ATP8A1: variants seen among roughly 807,000 people sequenced by gnomAD.
ATP8A1 encodes the protein phospholipid-transporting ATPase IA.
A neutral mutation model predicts 177.7 loss-of-function variants in ATP8A1; 90 were observed. The observed-to-expected ratio is 0.51, with a 90% CI of 0.43 to 0.60. ATP8A1 has a LOEUF of 0.60. Ranked by LOEUF, ATP8A1 falls within the 20% of genes least tolerant of loss-of-function variation. The pLI, the probability that ATP8A1 is intolerant of heterozygous loss-of-function variation, is 0.00. For missense variants in ATP8A1, 1,072 were observed against 1,392.8 expected (o/e 0.77, Z 3.67); for synonymous variants, 493 against 485.9 (o/e 1.01, Z -0.19).
At chr4:42,602,039 G>T (rs1192460361) in intron 5 of ATP8A1, among the ~76,000 whole-genome samples, 1 of 151,482 alleles carries the variant, frequency 6.6e-6, no homozygotes, top group Non-Finnish European at 1.5e-5. Flanking sequence ...TTGGTATATG[G>T]GACATTCAGA....
intron 15 of ATP8A1, among the ~76,000 whole-genome samples, chr4:42,562,869 C>T (rs998554274): frequency 7.9e-5 from 12 of 152,350 alleles, no homozygotes; most frequent in African/African-American, 2.2e-4. Context: ...CTGCCATGAT[C>T]GTGAGGCTTA....
At chr4:42,528,751 A>G (rs539756126) in intron 20 of ATP8A1, among the ~76,000 whole-genome samples, 5 of 152,262 alleles carry the variant, frequency 3.3e-5, no homozygotes, top group Admixed American at 2.0e-4. Flanking sequence ...TCACTTCCAC[A>G]AGATATCACA....
chr4:42,454,211 C>T (rs1004992589), intron 29 of ATP8A1, among the ~76,000 whole-genome samples: 4 of 152,158 alleles, frequency 2.6e-5, no homozygotes, highest in South Asian at 2.1e-4. Context: ...GTGAAGATCA[C>T]GTCTCAGAAG....
chr4:42,628,455 G>A (rs986644267), intron 1 of ATP8A1, among the ~76,000 whole-genome samples: 1 of 152,066 alleles, frequency 6.6e-6, no homozygotes, highest in African/African-American at 2.4e-5. Flanking sequence ...ACGCAGGCCA[G>A]GTCCCAGAGG....
chr4:42,599,945 A>G (rs1199181517), intron 6 of ATP8A1, among the ~76,000 whole-genome samples: 2 of 152,234 alleles, frequency 1.3e-5, no homozygotes, highest in Non-Finnish European at 2.9e-5. Context: ...AACATTTGTT[A>G]AATTATGACT....
intron 4 of ATP8A1, among the ~76,000 whole-genome samples, chr4:42,622,906 G>A (rs1737633046): frequency 6.6e-6 from 1 of 151,874 alleles, no homozygotes; most frequent in Non-Finnish European, 1.5e-5. Context: ...CTACTCAGAA[G>A]GCTGAGGCAG....
At chr4:42,468,657 G>C (rs1720076257) in intron 25 of ATP8A1, among the ~76,000 whole-genome samples, 1 of 152,048 alleles carries the variant, frequency 6.6e-6, no homozygotes, top group Non-Finnish European at 1.5e-5. Flanking sequence ...TGATACAATG[G>C]ACTTTGGGGA....
chr4:42,621,254 A>G (rs1015770737), intron 4 of ATP8A1, among the ~76,000 whole-genome samples: 18 of 152,244 alleles, frequency 1.2e-4, no homozygotes, highest in African/African-American at 4.3e-4. Context: ...TCTACTCTTA[A>G]ATACTTGGAT....
intron 20 of ATP8A1, among the ~76,000 whole-genome samples, chr4:42,526,180 CACTG>C (rs1425567089): frequency 6.6e-6 from 1 of 151,922 alleles, no homozygotes; most frequent in Non-Finnish European, 1.5e-5. Flanking sequence ...TAGCGGAAGA[CACTG>C]ACGTTTAGAA....
At chr4:42,541,782 A>G (rs1418109569) in intron 20 of ATP8A1, among the ~76,000 whole-genome samples, 1 of 152,182 alleles carries the variant, frequency 6.6e-6, no homozygotes, top group African/African-American at 2.4e-5. Flanking sequence ...GCTATATACC[A>G]TATCATTCTA....
At chr4:42,578,207 T>C in intron 12 of ATP8A1, 53 bp downstream of exon 12, 1 of 1,476,946 alleles carries the variant, frequency 6.8e-7, no homozygotes, top group East Asian at 2.4e-5. Context: ...TATCAAAATA[T>C]CCTAAGGACA....
At chr4:42,413,116 C>T in intron 36 of ATP8A1, 103 bp from the exon 37 acceptor site, 1 of 841,950 alleles carries the variant, frequency 1.2e-6, no homozygotes, top group Non-Finnish European at 1.9e-6. Flanking sequence ...CAAATGCAGC[C>T]TTCCCACATT....
intron 9 of ATP8A1, among the ~76,000 whole-genome samples, chr4:42,584,122 G>A (rs989768815): frequency 1.3e-5 from 2 of 152,176 alleles, no homozygotes; most frequent in Non-Finnish European, 2.9e-5. Context: ...CTCTAATAAT[G>A]CAATTACAAA....
chr4:42,600,432 C>T lies in ATP8A1; in HGVS notation c.450+46G>A, dbSNP rs56302630. ...AAAAATTATATATACTAGAGTACACCGCTATGTATTTCTTCTCCTGGAACA... is the reference window on the plus strand; with the variant it reads ...AAAAATTATATATACTAGAGTACACTGCTATGTATTTCTTCTCCTGGAACA... On this transcript the variant is annotated intron_variant, in intron 6 of 36. Coordinates refer to ENST00000381668, the MANE Select transcript of ATP8A1 (RefSeq NM_006095.2). The T allele has an allele frequency of 1.5e-3, 2,301 of 1,537,802 alleles. 40 individuals are homozygous for T. The African/African-American group carries it at 0.029, about 19-fold the overall frequency.
At chr4:42,655,592 ATAAG>A (rs560801673) in intron 1 of ATP8A1, among the ~76,000 whole-genome samples, 6 of 152,260 alleles carry the variant, frequency 3.9e-5, no homozygotes, top group Non-Finnish European at 8.8e-5. Flanking sequence ...AATGCCCTAT[ATAAG>A]TATTTTTTGG....
At chr4:42,537,146 A>AAAAAAAAAC (rs540584674) in intron 20 of ATP8A1, among the ~76,000 whole-genome samples, 5 of 145,568 alleles carry the variant, frequency 3.4e-5, no homozygotes, top group African/African-American at 7.6e-5. Context: ...AAAAAAAAAA[A>AAAAAAAAAC]CAAAAAAACC....
At chr4:42,505,445 C>T (rs927901490) in intron 23 of ATP8A1, among the ~76,000 whole-genome samples, 2 of 152,058 alleles carry the variant, frequency 1.3e-5, no homozygotes, top group Admixed American at 6.6e-5. Context: ...TATTTGTAGT[C>T]TGTTTTATCA....
chr4:42,429,243 T>C (rs1322628137), intron 33 of ATP8A1, among the ~76,000 whole-genome samples: 1 of 152,200 alleles, frequency 6.6e-6, no homozygotes, highest in Non-Finnish European at 1.5e-5. Context: ...CCTTTTCCAA[T>C]GTAGGCTGCC....
Position 42,551,227 on chromosome 4 carries a change from T to G in ATP8A1, c.1573A>C (p.Arg525=), listed in dbSNP as rs1266824578. 1 of 1,613,876 alleles carries G rather than the reference T, an allele frequency of 6.2e-7. No homozygotes were observed. The highest frequency in any genetic ancestry group is 2.2e-5 in the East Asian group (1 of 44,832). ...AKQLNFVFTG[R]TPDSVIIDSL... ...TCTATAATCACCGAGTCGGGTGTTCTTCCAGTGAAAACAAAATTCAATTGC... is the reference window on the plus strand; with the variant it reads ...TCTATAATCACCGAGTCGGGTGTTCGTCCAGTGAAAACAAAATTCAATTGC... The change falls in exon 18 of 37, where the codon AGA becomes CGA. Residue 525 remains arginine (R), a synonymous_variant. Coordinates refer to ENST00000381668, the MANE Select transcript of ATP8A1 (RefSeq NM_006095.2).
Sources: gnomAD v4.1 joint callset for allele counts (sites outside exome capture counted in the v4.1 genomes callset) on GRCh38, gnomAD v4.1.1 for gene constraint, MANE v1.5 for transcripts, NCBI Gene and HGNC (gene_info 2026-07-23, HGNC 2026-07-21) for gene names.